Variants in PDS5B observed in about 807,000 individuals in gnomAD.
PDS5B encodes the protein sister chromatid cohesion protein PDS5 homolog B.
PDS5B carries 51 observed loss-of-function variants against 184.1 expected under a neutral mutation model. That is an observed-to-expected ratio of 0.28 (90% CI 0.22 to 0.35). PDS5B has a LOEUF of 0.35. Ranked by LOEUF, PDS5B falls within the 10% of genes least tolerant of loss-of-function variation. The pLI is 1.00. For missense variants in PDS5B, 1,180 were observed against 1,723.3 expected (o/e 0.68, Z 5.58); for synonymous variants, 566 against 569.2 (o/e 0.99, Z 0.08).
chr13:32,716,635 C>G lies in PDS5B; in HGVS notation c.2123+6529C>G, dbSNP rs558415100. ...GGAGGTGGGGGGGTCAGCCCCCCGC[C>G]CGGCCAGCCGCCCCGTTTGGGAGGG... On this transcript the variant is annotated intron_variant, in intron 19 of 34. Coordinates refer to ENST00000315596, the MANE Select transcript of PDS5B (RefSeq NM_015032.4). Among the ~76,000 whole-genome samples, 7 of 146,424 alleles carry G rather than the reference C, an allele frequency of 4.8e-5. No individual in the cohort carries two copies. In the East Asian group the frequency reaches 1.5e-3, roughly 31 times the overall value.
intron 19 of PDS5B, among the ~76,000 whole-genome samples, chr13:32,719,766 C>T (rs1247552744): frequency 2.0e-5 from 3 of 151,538 alleles, no homozygotes; most frequent in African/African-American, 7.3e-5. Context: ...AAGGTTAATA[C>T]CTGCAATGTA....
intron 13 of PDS5B, chr13:32,688,820 A>G: frequency 2.4e-6 from 1 of 419,448 alleles, no homozygotes. Flanking sequence ...TTTTCTATTC[A>G]TATTGTTGGT....
chr13:32,760,470 G>T, intron 29 of PDS5B, 105 bp from the exon 30 acceptor site: 1 of 1,060,576 alleles, frequency 9.4e-7, no homozygotes. Flanking sequence ...CATTTTTCAT[G>T]ATTTGTAAGT....
At chr13:32,695,139 A>G (rs568093802) in intron 14 of PDS5B, among the ~76,000 whole-genome samples, 2 of 151,846 alleles carry the variant, frequency 1.3e-5, no homozygotes, top group East Asian at 3.9e-4. Context: ...TGAGTGGTTT[A>G]TAGTGACCCT....
chr13:32,636,398 C>T (rs969618102), intron 1 of PDS5B, among the ~76,000 whole-genome samples: 1 of 152,138 alleles, frequency 6.6e-6, no homozygotes, highest in Non-Finnish European at 1.5e-5. Flanking sequence ...AGTGTTAAGG[C>T]ATTTGTTACT....
intron 13 of PDS5B, among the ~76,000 whole-genome samples, chr13:32,693,719 T>A (rs1024323667): frequency 3.5e-4 from 53 of 150,794 alleles, no homozygotes; most frequent in Admixed American, 2.4e-3. Flanking sequence ...TTGTTGCTTA[T>A]ATATCGAGTA....
intron 21 of PDS5B, among the ~76,000 whole-genome samples, chr13:32,736,177 C>A (rs1004667552): frequency 7.2e-5 from 11 of 152,030 alleles, no homozygotes; most frequent in Admixed American, 1.3e-4. Context: ...AGTTCTATTA[C>A]TGCTGTTATT....
intron 8 of PDS5B, among the ~76,000 whole-genome samples, chr13:32,675,442 T>G (rs1054219843): frequency 6.6e-6 from 1 of 152,218 alleles, no homozygotes; most frequent in Non-Finnish European, 1.5e-5. Flanking sequence ...ACACAGAGTT[T>G]TCTGTTTTCT....
chr13:32,665,729 A>G (rs1950777367), intron 6 of PDS5B, among the ~76,000 whole-genome samples: 2 of 152,040 alleles, frequency 1.3e-5, no homozygotes, highest in Admixed American at 6.6e-5. Flanking sequence ...AATAAAAGCT[A>G]TTTGTGGTAA....
intron 1 of PDS5B, among the ~76,000 whole-genome samples, chr13:32,647,514 G>C (rs974398982): frequency 6.6e-6 from 1 of 152,202 alleles, no homozygotes; most frequent in Non-Finnish European, 1.5e-5. Flanking sequence ...CAAAGTTTAA[G>C]CTCAAAAGGC....
chr13:32,661,402 AAAAAAAAAC>A (rs1229378857), intron 6 of PDS5B, among the ~76,000 whole-genome samples: 11 of 149,668 alleles, frequency 7.3e-5, no homozygotes, highest in African/African-American at 2.7e-4. Context: ...AAAAAAAAAA[AAAAAAAAAC>A]AGAAAAAGAA....
chr13:32,715,424 T>C (rs975522271), intron 19 of PDS5B, among the ~76,000 whole-genome samples: 5 of 152,200 alleles, frequency 3.3e-5, no homozygotes, highest in Admixed American at 2.6e-4. Flanking sequence ...GTTTCCTTTT[T>C]GTTTGTATAT....
chr13:32,633,996 T>G (rs765998155), intron 1 of PDS5B, among the ~76,000 whole-genome samples: 3 of 152,220 alleles, frequency 2.0e-5, no homozygotes, highest in Non-Finnish European at 4.4e-5. Context: ...TCTTTTCTCC[T>G]ACTAAACTAT....
chr13:32,741,970 C>T (rs980776722), intron 22 of PDS5B, among the ~76,000 whole-genome samples: 1 of 152,086 alleles, frequency 6.6e-6, no homozygotes, highest in Non-Finnish European at 1.5e-5. Flanking sequence ...TACCAACTTA[C>T]CAGTTGGTAG....
rs1049859734 is a variant in PDS5B, at chr13:32,593,206, A to G, written c.-20+6613A>G. 2.0e-5 allele frequency among the ~76,000 whole-genome samples: 3 copies of G among 152,218 alleles called. No homozygotes were observed. The East Asian group carries it at 5.8e-4, about 29-fold the overall frequency. On this transcript the variant is annotated intron_variant, in intron 1 of 34. Transcript: ENST00000315596. ...GGCTACAAAATTTAGCTAGATAGGA[A>G]GAATAAGTTCTAGTGTTGTACTGGG...
At chr13:32,645,978 G>A (rs1950210244) in intron 1 of PDS5B, among the ~76,000 whole-genome samples, 1 of 143,784 alleles carries the variant, frequency 7.0e-6, no homozygotes, top group African/African-American at 2.5e-5. Flanking sequence ...TTTGATGTGT[G>A]TGTGTGGGTG....
At chr13:32,646,519 A>G (rs2140645568) in intron 1 of PDS5B, among the ~76,000 whole-genome samples, 1 of 150,994 alleles carries the variant, frequency 6.6e-6, no homozygotes, top group South Asian at 2.1e-4. Flanking sequence ...CGGTGGACAA[A>G]CTATACGTTT....
At chr13:32,664,260 A>C (rs1409507133) in intron 6 of PDS5B, among the ~76,000 whole-genome samples, 4 of 152,244 alleles carry the variant, frequency 2.6e-5, no homozygotes, top group Non-Finnish European at 5.9e-5. Flanking sequence ...ATGATTGTGC[A>C]GAAAACACAA....
chr13:32,730,521 A>G (rs535790651), intron 19 of PDS5B, among the ~76,000 whole-genome samples: 9 of 152,252 alleles, frequency 5.9e-5, no homozygotes, highest in African/African-American at 2.2e-4. Context: ...CATTGAATCT[A>G]TAAATTATTT....
Sources: gnomAD v4.1 joint callset for allele counts (sites outside exome capture counted in the v4.1 genomes callset) on GRCh38, gnomAD v4.1.1 for gene constraint, MANE v1.5 for transcripts, NCBI Gene and HGNC (gene_info 2026-07-23, HGNC 2026-07-21) for gene names.